The following MTUS2 variants were observed in gnomAD, a reference collection of about 807,000 sequenced individuals.
MTUS2 encodes microtubule-associated tumor suppressor candidate 2.
In MTUS2, 40 loss-of-function variants were observed where a neutral mutation model predicts 114.1. The observed-to-expected ratio is 0.35, with a 90% CI of 0.27 to 0.46. The LOEUF is 0.46. Among genes scored for constraint, MTUS2 ranks in the 20% least tolerant of loss-of-function variants. The pLI is 1.00. For synonymous variants in MTUS2, 688 were observed against 672.0 expected (o/e 1.02, Z -0.37); for missense variants, 1,679 against 1,705.4 (o/e 0.98, Z 0.27).
At chr13:29,218,193 AT>A (rs1451507602) in intron 5 of MTUS2, among the ~76,000 whole-genome samples, 1 of 152,118 alleles carries the variant, frequency 6.6e-6, no homozygotes. Flanking sequence ...CAGTGTCTTC[AT>A]GGGGAGTAGA....
intron 5 of MTUS2, among the ~76,000 whole-genome samples, chr13:29,197,139 T>A (rs541231583): frequency 6.6e-6 from 1 of 152,144 alleles, no homozygotes; most frequent in Non-Finnish European, 1.5e-5. Flanking sequence ...ACCATGGTGG[T>A]TTGCCGCACC....
At chr13:29,074,862 T>G (rs972645305) in intron 4 of MTUS2, among the ~76,000 whole-genome samples, 2 of 152,218 alleles carry the variant, frequency 1.3e-5, no homozygotes, top group African/African-American at 4.8e-5. Flanking sequence ...TGAGATATAA[T>G]TCACATATTT....
chr13:29,025,323 A>G lies in MTUS2; in HGVS notation c.625A>G (p.Ile209Val), dbSNP rs771993904. 7.4e-6 allele frequency: 12 copies of G among 1,613,752 alleles called. No individual in the cohort carries two copies. The East Asian group carries it at 2.7e-4, about 36-fold the overall frequency. Residue 209 changes from isoleucine (I) to valine (V), a missense_variant, in exon 3 of 16, where the codon ATA becomes GTA. Transcript: ENST00000612955. ...CGACTCCCGGGAAGCACGGGGTCAG[A>G]TACCTGGGGGTGGGGAGGGGCCACA... is the stretch of plus-strand genomic sequence containing the variant. ...SLDSREARGQ[I>V]PGGGEGPQKT...
rs529186359 is a variant in MTUS2, at chr13:29,495,918, G to C, written c.3580-1320G>C. Among the ~76,000 whole-genome samples the C allele has an allele frequency of 3.3e-5, 5 of 151,722 alleles. No homozygotes were observed. In the South Asian group the frequency reaches 1.0e-3, roughly 32 times the overall value. The stretch of plus-strand genomic sequence containing the variant: ...TTTCTCTCTCTCTCTCTTTATATGT[G>C]TGTGTGTGTGTGTGTGTATCTATAT... On this transcript the variant is annotated intron_variant, in intron 12 of 15. Coordinates refer to ENST00000612955, the MANE Select transcript of MTUS2 (RefSeq NM_001033602.4).
intron 5 of MTUS2, among the ~76,000 whole-genome samples, chr13:29,266,801 A>G (rs1355032821): frequency 1.3e-5 from 2 of 152,202 alleles, no homozygotes; most frequent in Non-Finnish European, 2.9e-5. Context: ...CCAGTAATTT[A>G]TCTGCTTGGA....
intron 2 of MTUS2, among the ~76,000 whole-genome samples, chr13:28,840,121 T>C (rs1875373014): frequency 6.6e-6 from 1 of 152,014 alleles, no homozygotes; most frequent in Non-Finnish European, 1.5e-5. Context: ...AGGGGGTGTT[T>C]AGAATTGACA....
rs59726006 is a variant in MTUS2 at position 29,195,539 on chromosome 13, G to GAAAAAAAAAA, written c.2645-86152_2645-86143dup. On this transcript the variant is annotated intron_variant, in intron 5 of 15. Coordinates refer to ENST00000612955, the MANE Select transcript of MTUS2 (RefSeq NM_001033602.4). ...CCATCACAGATTAAAACTTAATTCTGAAAAAAAAAAAAAAAAAAAAAAGAG... is the reference window on the plus strand; with the variant it reads ...CCATCACAGATTAAAACTTAATTCTGAAAAAAAAAAAAAAAAAAAAAAAAAAAAAAAAGAG... 5.2e-4 allele frequency among the ~76,000 whole-genome samples: 41 copies of GAAAAAAAAAA among 78,526 alleles called. 2 individuals are homozygous for GAAAAAAAAAA. The East Asian group carries it at 6.6e-3, about 13-fold the overall frequency. The allele number at this position is 78,526 out of a possible 152,430, so 51.5% of individuals were successfully genotyped here.
At chr13:28,883,792 A>G (rs372451625) in intron 2 of MTUS2, among the ~76,000 whole-genome samples, 3 of 152,184 alleles carry the variant, frequency 2.0e-5, no homozygotes, top group East Asian at 3.9e-4. Context: ...TAATATCACT[A>G]ATCATTAGGA....
rs1264213463 is a variant in MTUS2, at chr13:29,503,923, A to G, written c.*717A>G. On this transcript the variant is annotated 3_prime_UTR_variant, in exon 16 of 16. Coordinates refer to ENST00000612955, the MANE Select transcript of MTUS2 (RefSeq NM_001033602.4). ...AGTTTTAATTATTGATACTCCTGTC[A>G]TGAGCGGATAAGGGAGAGCAGTGGG... 8.6e-6 allele frequency: 2 copies of G among 231,622 alleles called. No homozygotes were observed. The highest frequency in any genetic ancestry group is 8.5e-6 in the Non-Finnish European group (1 of 117,002). 14.3% of individuals were successfully genotyped at this position (231,622 alleles called of 1,614,324 possible).
intron 2 of MTUS2, among the ~76,000 whole-genome samples, chr13:28,855,516 C>T (rs1445425468): frequency 2.0e-5 from 3 of 152,082 alleles, no homozygotes; most frequent in Admixed American, 2.0e-4. Flanking sequence ...TAAGTGAGAA[C>T]ATGTGGTGTT....
At chr13:29,191,614 C>T (rs557312701) in intron 5 of MTUS2, among the ~76,000 whole-genome samples, 3 of 152,176 alleles carry the variant, frequency 2.0e-5, no homozygotes, top group East Asian at 1.9e-4. Context: ...CATCTGGGGC[C>T]GGATCAAGCC....
At chr13:28,951,287 G>C (rs1041910994) in intron 2 of MTUS2, among the ~76,000 whole-genome samples, 3 of 152,220 alleles carry the variant, frequency 2.0e-5, no homozygotes, top group Non-Finnish European at 4.4e-5. Context: ...GATTACTTTG[G>C]ATAGTATTGA....
intron 2 of MTUS2, among the ~76,000 whole-genome samples, chr13:28,851,585 G>A (rs940346771): frequency 8.5e-5 from 13 of 152,222 alleles, no homozygotes; most frequent in Non-Finnish European, 1.6e-4. Context: ...ATATAGATGA[G>A]TATAGATCCG....
At chr13:28,849,650 T>A (rs1013393744) in intron 2 of MTUS2, among the ~76,000 whole-genome samples, 3 of 152,022 alleles carry the variant, frequency 2.0e-5, no homozygotes, top group Admixed American at 1.3e-4. Context: ...TGTGCTGGCT[T>A]TGCTGGGAAA....
intron 2 of MTUS2, among the ~76,000 whole-genome samples, chr13:29,011,808 C>T (rs1272356192): frequency 3.3e-5 from 5 of 152,200 alleles, no homozygotes; most frequent in Admixed American, 2.6e-4. Context: ...GGGTTTTGCA[C>T]TCACCTGTGC....
chr13:29,388,543 T>C (rs1481403973), intron 8 of MTUS2, among the ~76,000 whole-genome samples: 1 of 151,828 alleles, frequency 6.6e-6, no homozygotes, highest in East Asian at 1.9e-4. Context: ...TTGTTTTCTT[T>C]TGGCTCCCAA....
intron 1 of MTUS2, among the ~76,000 whole-genome samples, chr13:28,828,817 A>T (rs1348193293): frequency 6.6e-6 from 1 of 152,220 alleles, no homozygotes; most frequent in African/African-American, 2.4e-5. Context: ...TTAAAGGAAG[A>T]CAGGATCAGT....
rs967659094 is a variant in MTUS2 at position 29,112,862 on chromosome 13, A to G, written c.2644+11892A>G. On this transcript the variant is annotated intron_variant, in intron 5 of 15. Coordinates refer to ENST00000612955, the MANE Select transcript of MTUS2 (RefSeq NM_001033602.4). ...TCAGGTCGCCTCATTTGTCCCAGGTAATTAAGAAGTAGAGTTTTTGCAGAG... is the reference window on the plus strand; with the variant it reads ...TCAGGTCGCCTCATTTGTCCCAGGTGATTAAGAAGTAGAGTTTTTGCAGAG... Among the ~76,000 whole-genome samples the G allele has an allele frequency of 2.0e-5, 3 of 152,268 alleles. 1 individual carries two copies. Among genetic ancestry groups the G allele is most frequent in the Middle Eastern group, 6.8e-3 (2 of 294 alleles).
intron 8 of MTUS2, among the ~76,000 whole-genome samples, chr13:29,436,164 A>G (rs1259293040): frequency 6.6e-6 from 1 of 152,182 alleles, no homozygotes; most frequent in African/African-American, 2.4e-5. Flanking sequence ...CTTCATGGTA[A>G]TAAGTGCTCA....
Sources: gnomAD v4.1 joint callset for allele counts (sites outside exome capture counted in the v4.1 genomes callset) on GRCh38, gnomAD v4.1.1 for gene constraint, MANE v1.5 for transcripts, NCBI Gene and HGNC (gene_info 2026-07-23, HGNC 2026-07-21) for gene names.